The following BTBD7 variants were observed in gnomAD, a reference collection of about 807,000 sequenced individuals.
The protein encoded by BTBD7 is BTB/POZ domain-containing protein 7.
In BTBD7, 38 loss-of-function variants were observed where a neutral mutation model predicts 99.9. The ratio of observed to expected loss-of-function variants is 0.38; its 90% CI spans 0.29 to 0.50. The LOEUF (loss-of-function observed/expected upper bound fraction) is 0.50, where lower values mean the gene tolerates loss of function less well. Ranked by LOEUF, BTBD7 falls within the 20% of genes least tolerant of loss-of-function variation. BTBD7 has a pLI of 0.93. For missense variants in BTBD7, 1,170 were observed against 1,394.6 expected, an observed-to-expected ratio of 0.84 and a Z score of 2.57; for synonymous variants, 520 against 511.4, an observed-to-expected ratio of 1.02 and a Z score of -0.23.
intron 1 of BTBD7, among the ~76,000 whole-genome samples, chr14:93,301,469 C>T (rs1268627445): frequency 1.3e-5 from 2 of 151,838 alleles, no homozygotes; most frequent in East Asian, 3.9e-4. Flanking sequence ...GGATTACAGG[C>T]GTGAGCCACC....
chr14:93,281,296 C>T (rs2052717319), intron 3 of BTBD7, among the ~76,000 whole-genome samples: 1 of 152,032 alleles, frequency 6.6e-6, no homozygotes, highest in South Asian at 2.1e-4. Flanking sequence ...GCCGCTGTGC[C>T]CTAATTTTTG....
At chr14:93,301,912 C>G (rs1214456813) in intron 1 of BTBD7, among the ~76,000 whole-genome samples, 3 of 152,214 alleles carry the variant, frequency 2.0e-5, no homozygotes, top group African/African-American at 7.2e-5. Flanking sequence ...GGGAGACAGA[C>G]AGCAGAGCCT....
At chr14:93,302,802 A>G (rs1395805937) in intron 1 of BTBD7, among the ~76,000 whole-genome samples, 2 of 152,072 alleles carry the variant, frequency 1.3e-5, no homozygotes, top group African/African-American at 4.8e-5. Context: ...CCGAGATCAC[A>G]TCACTGTACT....
chr14:93,307,135 A>G (rs998132058), intron 1 of BTBD7, among the ~76,000 whole-genome samples: 1 of 152,024 alleles, frequency 6.6e-6, no homozygotes, highest in Non-Finnish European at 1.5e-5. Context: ...ATCCCTAACA[A>G]TTTTCTATTT....
intron 3 of BTBD7, among the ~76,000 whole-genome samples, chr14:93,267,100 T>C (rs1022610834): frequency 1.3e-4 from 20 of 152,134 alleles, no homozygotes; most frequent in Admixed American, 1.1e-3. Context: ...TGTTTGGGAG[T>C]GAAGCAGGGG....
chr14:93,319,650 G>A (rs2053247642), intron 1 of BTBD7, among the ~76,000 whole-genome samples: 2 of 152,098 alleles, frequency 1.3e-5, no homozygotes, highest in African/African-American at 4.8e-5. Context: ...GTCAGGGGCT[G>A]GGGGGAAATG....
intron 1 of BTBD7, among the ~76,000 whole-genome samples, chr14:93,323,346 CTT>C (rs1233069046): frequency 6.6e-6 from 1 of 152,198 alleles, no homozygotes; most frequent in African/African-American, 2.4e-5. Context: ...AATTGTAACT[CTT>C]CTTCCCCATC....
intron 1 of BTBD7, among the ~76,000 whole-genome samples, chr14:93,310,842 T>C (rs1298105125): frequency 1.3e-5 from 2 of 150,838 alleles, no homozygotes; most frequent in East Asian, 3.9e-4. Context: ...ACAGTTAAGT[T>C]CAAAAGTCTA....
chr14:93,316,182 G>C (rs1409610270), intron 1 of BTBD7, among the ~76,000 whole-genome samples: 1 of 151,556 alleles, frequency 6.6e-6, no homozygotes, highest in Non-Finnish European at 1.5e-5. Flanking sequence ...TCGAACTCAT[G>C]ACTTCAGGTG....
intron 3 of BTBD7, among the ~76,000 whole-genome samples, chr14:93,273,513 C>T (rs903503877): frequency 1.1e-4 from 17 of 152,286 alleles, no homozygotes; most frequent in African/African-American, 3.8e-4. Context: ...AAAGCCTTGA[C>T]AGGTGTTCTA....
intron 1 of BTBD7, among the ~76,000 whole-genome samples, chr14:93,331,369 TC>T (rs1328483094): frequency 1.3e-5 from 2 of 152,186 alleles, no homozygotes; most frequent in African/African-American, 4.8e-5. Flanking sequence ...GTCACTCGCC[TC>T]TCTGGGTCTG....
rs544335764 is a variant in BTBD7, at chr14:93,267,689, A to G, written c.1163-3696T>C. Among the ~76,000 whole-genome samples, 12 of 152,306 alleles carry G rather than the reference A, an allele frequency of 7.9e-5. No individual in the cohort carries two copies. In the East Asian group the frequency reaches 2.3e-3, roughly 29 times the overall value. On this transcript the variant is annotated intron_variant, in intron 3 of 10. Coordinates refer to ENST00000334746, the MANE Select transcript of BTBD7 (RefSeq NM_001002860.4). ...GAAATCTGGGCCTCTTCAGTCACCA[A>G]AGGCAGAGATCTCAGTACTATTATT...
At chr14:93,269,584 C>T (rs1566842962) in intron 3 of BTBD7, among the ~76,000 whole-genome samples, 1 of 152,196 alleles carries the variant, frequency 6.6e-6, no homozygotes, top group Admixed American at 6.5e-5. Context: ...TCTCTCGGCA[C>T]TTTGCAAACT....
intron 4 of BTBD7, among the ~76,000 whole-genome samples, chr14:93,261,994 C>T (rs970779406): frequency 3.2e-4 from 49 of 152,194 alleles, no homozygotes; most frequent in African/African-American, 1.1e-3. Context: ...GAGATGAAGT[C>T]GTACTCTATT....
chr14:93,317,501 C>T (rs914651948), intron 1 of BTBD7, among the ~76,000 whole-genome samples: 1 of 152,080 alleles, frequency 6.6e-6, no homozygotes, highest in African/African-American at 2.4e-5. Flanking sequence ...CACACTACCA[C>T]ACCCAGCTAA....
intron 3 of BTBD7, 39 bp downstream of exon 3, chr14:93,293,819 T>C (rs775005811): frequency 1.3e-6 from 2 of 1,560,176 alleles, no homozygotes; most frequent in South Asian, 2.5e-5. Flanking sequence ...GATCAATACA[T>C]AATTCTATAA....
At chr14:93,293,091 ACT>A (rs1231105705) in intron 3 of BTBD7, among the ~76,000 whole-genome samples, 1 of 152,232 alleles carries the variant, frequency 6.6e-6, no homozygotes, top group Admixed American at 6.5e-5. Flanking sequence ...CTAAGAATGC[ACT>A]CTGTCAAAAC....
intron 1 of BTBD7, among the ~76,000 whole-genome samples, chr14:93,297,404 C>T (rs1404194478): frequency 6.6e-6 from 1 of 152,196 alleles, no homozygotes; most frequent in Non-Finnish European, 1.5e-5. Context: ...CTCACTTTAA[C>T]CTCTGTCTCC....
At chr14:93,304,860 T>C (rs945472612) in intron 1 of BTBD7, among the ~76,000 whole-genome samples, 3 of 152,208 alleles carry the variant, frequency 2.0e-5, no homozygotes, top group Non-Finnish European at 4.4e-5. Flanking sequence ...GTTCCACTAG[T>C]AGAGCTGGAG....
Sources: gnomAD v4.1 joint callset for allele counts (sites outside exome capture counted in the v4.1 genomes callset) on GRCh38, gnomAD v4.1.1 for gene constraint, MANE v1.5 for transcripts, NCBI Gene and HGNC (gene_info 2026-07-23, HGNC 2026-07-21) for gene names.